DNAJB2: variants seen among roughly 807,000 people sequenced by gnomAD.
DNAJB2 encodes DnaJ heat shock protein family (Hsp40) member B2, also known as dnaJ homolog subfamily B member 2.
DNAJB2 carries 19 observed loss-of-function variants against 33.3 expected under a neutral mutation model. That is an observed-to-expected ratio of 0.57 (90% CI 0.40 to 0.84). The LOEUF (loss-of-function observed/expected upper bound fraction) is 0.84, where lower values mean the gene tolerates loss of function less well. Ranked by LOEUF, DNAJB2 falls within the 40% of genes least tolerant of loss-of-function variation. DNAJB2 has a pLI of 0.00. For missense variants in DNAJB2, 368 were observed against 430.9 expected (o/e 0.85, Z 1.29); for synonymous variants, 172 against 164.6 (o/e 1.04, Z -0.34).
chr2:219,279,754 G>A lies in DNAJB2; in HGVS notation c.-36-44G>A. Reference sequence around the variant, plus strand: ...GGAGGGGGACTGCTGCAGCCACAGGGTGGGGCTCTTGGTTCTTTCCGCCTG... The same window carrying A: ...GGAGGGGGACTGCTGCAGCCACAGGATGGGGCTCTTGGTTCTTTCCGCCTG... On this transcript the variant is annotated intron_variant, in intron 1 of 8. Coordinates refer to ENST00000336576, the MANE Select transcript of DNAJB2 (RefSeq NM_006736.6). This position sits in a 1 kb window ranked among gnomAD's most constrained non-coding sequence, Gnocchi z 4.9. The A allele has an allele frequency of 2.6e-6, 4 of 1,524,838 alleles. No homozygotes were observed. Among genetic ancestry groups the A allele is most frequent in the South Asian group, 2.3e-5 (2 of 88,174 alleles). 94.5% of individuals were successfully genotyped at this position (1,524,838 alleles called of 1,614,324 possible). A position where few individuals can be genotyped will look rare whatever the true frequency, so the allele number is the denominator to read the frequency against.
Position 219,285,390 on chromosome 2 carries a change from GAGAGCAGTGCAGGC to G in DNAJB2, c.*408_*421del. 9.9e-7 allele frequency: 1 copy of G among 1,012,776 alleles called. No individual in the cohort carries two copies. Among genetic ancestry groups the G allele is most frequent in the Non-Finnish European group, 1.2e-6 (1 of 847,688 alleles). The allele number at this position is 1,012,776 out of a possible 1,614,324, so 62.7% of individuals were successfully genotyped here. A position where few individuals can be genotyped will look rare whatever the true frequency, so the allele number is the denominator to read the frequency against. The stretch of plus-strand genomic sequence containing the variant: ...TGAGCCGGAGCCGGCAGCTCCACTG[GAGAGCAGTGCAGGC>G]AGAGTGGAGCCTCCTGCTCTCCTGG... On this transcript the variant is annotated 3_prime_UTR_variant, in exon 9 of 9. Coordinates refer to ENST00000336576, the MANE Select transcript of DNAJB2 (RefSeq NM_006736.6).
chr2:219,280,020 TTC>T, intron 2 of DNAJB2, 122 bp downstream of exon 2: 3 of 1,063,610 alleles, frequency 2.8e-6, no homozygotes, highest in Non-Finnish European at 4.2e-6. Flanking sequence ...ACTGGGGTGC[TTC>T]TTCCGAGTGA....
intron 8 of DNAJB2, 43 bp from the exon 9 acceptor site, chr2:219,284,589 C>T: frequency 6.5e-7 from 1 of 1,542,476 alleles, no homozygotes; most frequent in Non-Finnish European, 8.8e-7. Context: ...CAGTAATACC[C>T]CTGGCTCAGG....
rs923974092 is a variant in DNAJB2, at chr2:219,283,647, G to C, written c.619+158G>C. On this transcript the variant is annotated intron_variant, in intron 8 of 8. Transcript: ENST00000336576. ...GATCAGAGATGGCAATGTCGGGAAG[G>C]GGGTGAAGGAGTCTCACGAAGCCAT... Among the ~76,000 whole-genome samples the C allele has an allele frequency of 3.3e-5, 5 of 152,314 alleles. No individual in the cohort carries two copies. The East Asian group carries it at 7.7e-4, about 23-fold the overall frequency.
intron 3 of DNAJB2, 70 bp downstream of exon 3, chr2:219,280,757 A>G (rs965053880): frequency 4.3e-6 from 5 of 1,167,946 alleles, no homozygotes; most frequent in Non-Finnish European, 6.2e-6. Context: ...CATTTTCTTA[A>G]AGCAATGTCT....
rs993546807 is a variant in DNAJB2, at chr2:219,283,039, G to A, written c.446-94G>A. 3 of 1,580,480 alleles carry A rather than the reference G, an allele frequency of 1.9e-6. No individual in the cohort carries two copies. In the African/African-American group the frequency reaches 4.0e-5, roughly 21 times the overall value. On this transcript the variant is annotated intron_variant, in intron 6 of 8. Transcript: ENST00000336576. ...TGTGTTGGGAGCCCTGCCTCCAGCA[G>A]CCCTGCGAGGCGGCCTGGAGCCTCG...
chr2:219,285,075 A>C lies in DNAJB2; in HGVS notation c.*88A>C. 1 of 1,409,192 alleles carries C rather than the reference A, an allele frequency of 7.1e-7. No individual in the cohort carries two copies. The allele number at this position is 1,409,192 out of a possible 1,614,324, so 87.3% of individuals were successfully genotyped here. ...AGAAGAGGGGAGTATCCTGAGTTGT[A>C]GGAACTGCTTTCCAACTCCAAGCTC... On this transcript the variant is annotated 3_prime_UTR_variant, in exon 9 of 9. Coordinates refer to ENST00000336576, the MANE Select transcript of DNAJB2 (RefSeq NM_006736.6).
intron 5 of DNAJB2, 35 bp from the exon 6 acceptor site, chr2:219,282,802 T>G: frequency 6.5e-7 from 1 of 1,527,838 alleles, no homozygotes. Flanking sequence ...GAAATGTCAT[T>G]ACCAGATGAC....
chr2:219,279,607 C>G lies in DNAJB2; in HGVS notation c.-37+89C>G, dbSNP rs1447447698. ...CGATAGGGCTCCTGGGCCTGGGCGT[C>G]GAGATAGCTCTTGGCCCCGGCCTGC... On this transcript the variant is annotated intron_variant, in intron 1 of 8. Transcript: ENST00000336576. The surrounding 1 kb of genome is among the most constrained non-coding windows in gnomAD (Gnocchi z 4.9). 1.8e-6 allele frequency: 1 copy of G among 548,430 alleles called. No individual in the cohort carries two copies. The highest frequency in any genetic ancestry group is 3.2e-6 in the Non-Finnish European group (1 of 308,622). 34.0% of individuals were successfully genotyped at this position (548,430 alleles called of 1,614,324 possible).
At chr2:219,282,726 A>C (rs1951916507) in intron 5 of DNAJB2, 111 bp from the exon 6 acceptor site, 1 of 1,059,066 alleles carries the variant, frequency 9.4e-7, no homozygotes, top group Admixed American at 2.9e-5. Flanking sequence ...AAAGCGGAAA[A>C]GAAAAACCCT....
chr2:219,279,626 G>T lies in DNAJB2; in HGVS notation c.-37+108G>T. On this transcript the variant is annotated intron_variant, in intron 1 of 8. Coordinates refer to ENST00000336576, the MANE Select transcript of DNAJB2 (RefSeq NM_006736.6). The surrounding 1 kb of genome is among the most constrained non-coding windows in gnomAD (Gnocchi z 4.9). ...GGGCGTCGAGATAGCTCTTGGCCCC[G>T]GCCTGCGGGGGCAGATAAGGCTGCC... is the stretch of plus-strand genomic sequence containing the variant. The T allele has an allele frequency of 1.7e-6, 1 of 590,108 alleles. No homozygotes were observed. Among genetic ancestry groups the T allele is most frequent in the Non-Finnish European group, 3.0e-6 (1 of 335,380 alleles). 36.6% of individuals were successfully genotyped at this position (590,108 alleles called of 1,614,324 possible).
Position 219,285,096 on chromosome 2 carries a change from A to G in DNAJB2, c.*109A>G. 7.2e-7 allele frequency: 1 copy of G among 1,394,732 alleles called. No homozygotes were observed. Among genetic ancestry groups the G allele is most frequent in the Non-Finnish European group, 9.4e-7 (1 of 1,067,614 alleles). 86.4% of individuals were successfully genotyped at this position (1,394,732 alleles called of 1,614,324 possible). On this transcript the variant is annotated 3_prime_UTR_variant, in exon 9 of 9. Transcript: ENST00000336576. ...TTGTAGGAACTGCTTTCCAACTCCAAGCTCCCTCCACAAGTTTCCCTCCCA... is the reference window on the plus strand; with the variant it reads ...TTGTAGGAACTGCTTTCCAACTCCAGGCTCCCTCCACAAGTTTCCCTCCCA...
chr2:219,280,012 T>C (rs1951889946), intron 2 of DNAJB2, 114 bp downstream of exon 2: 8 of 1,176,148 alleles, frequency 6.8e-6, no homozygotes, highest in Non-Finnish European at 9.8e-6. Context: ...TAGAAAGCAC[T>C]GGGGTGCTTC....
In DNAJB2 at chr2:219,285,093, C is replaced by T; in HGVS notation, c.*106C>T. On this transcript the variant is annotated 3_prime_UTR_variant, in exon 9 of 9. Transcript: ENST00000336576. The stretch of plus-strand genomic sequence containing the variant: ...GAGTTGTAGGAACTGCTTTCCAACT[C>T]CAAGCTCCCTCCACAAGTTTCCCTC... 1 of 1,394,718 alleles carries T rather than the reference C, an allele frequency of 7.2e-7. No homozygotes were observed. Among genetic ancestry groups the T allele is most frequent in the Non-Finnish European group, 9.4e-7 (1 of 1,067,432 alleles). 86.4% of individuals were successfully genotyped at this position (1,394,718 alleles called of 1,614,324 possible).
rs1951961816 is a variant in DNAJB2, at chr2:219,286,858, G to A, written c.*1871G>A. 1.3e-5 allele frequency: 2 copies of A among 152,278 alleles called. No homozygotes were observed. The highest frequency in any genetic ancestry group is 2.4e-5 in the African/African-American group (1 of 41,446). 9.4% of individuals were successfully genotyped at this position (152,278 alleles called of 1,614,324 possible). A position where few individuals can be genotyped will look rare whatever the true frequency, so the allele number is the denominator to read the frequency against. ...CCAGCTGGGCTGAGCTCAGATCCAGGGGGAAATGCTGGAAGTCAATAAAAC... is the reference window on the plus strand; with the variant it reads ...CCAGCTGGGCTGAGCTCAGATCCAGAGGGAAATGCTGGAAGTCAATAAAAC... On this transcript the variant is annotated 3_prime_UTR_variant, in exon 9 of 9. Transcript: ENST00000336576.
Position 219,280,706 on chromosome 2 carries a change from CA to C in DNAJB2, c.175+20del. ...TCTGACAGTAAGGGCCGGGGTCAGG[CA>C]GGACCCAGCACATCACCCCCTACTT... On this transcript the variant is annotated intron_variant, in intron 3 of 8. Coordinates refer to ENST00000336576, the MANE Select transcript of DNAJB2 (RefSeq NM_006736.6). 6.4e-7 allele frequency: 1 copy of C among 1,559,526 alleles called. No homozygotes were observed. The highest frequency in any genetic ancestry group is 8.8e-7 in the Non-Finnish European group (1 of 1,131,616).
Position 219,285,140 on chromosome 2 carries a change from G to A in DNAJB2, c.*153G>A. On this transcript the variant is annotated 3_prime_UTR_variant, in exon 9 of 9. Transcript: ENST00000336576. ...CCTCCCAGGCCCCCCACACCCCAGTGTGGACTTGGGATTTGCTGTGCTCAG... is the reference window on the plus strand; with the variant it reads ...CCTCCCAGGCCCCCCACACCCCAGTATGGACTTGGGATTTGCTGTGCTCAG... 5.1e-6 allele frequency: 7 copies of A among 1,366,642 alleles called. No individual in the cohort carries two copies. Among genetic ancestry groups the A allele is most frequent in the Non-Finnish European group, 6.6e-6 (7 of 1,056,626 alleles). The allele number at this position is 1,366,642 out of a possible 1,614,324, so 84.7% of individuals were successfully genotyped here. A position where few individuals can be genotyped will look rare whatever the true frequency, so the allele number is the denominator to read the frequency against.
intron 3 of DNAJB2, chr2:219,281,453 G>A (rs574279985): frequency 3.1e-5 from 15 of 483,952 alleles, no homozygotes; most frequent in Middle Eastern, 5.4e-4. Flanking sequence ...GGCAGTTTAC[G>A]TGGATGGTCT....
In DNAJB2 at chr2:219,282,880, A is replaced by G; in HGVS notation, c.396A>G (p.Arg132=). The change falls in exon 6 of 9, where the codon CGA becomes CGG. Residue 132 remains arginine (R), a synonymous_variant. Transcript: ENST00000336576. ...CAGAGCTTCAGAACCGGGGTTCCCG[A>G]CACTCAGGCCCCTTCTTTACCTTCT... ...PFSELQNRGS[R]HSGPFFTFSS... is the part of the protein sequence containing the mutation. The G allele has an allele frequency of 1.2e-6, 2 of 1,607,134 alleles. No individual in the cohort carries two copies. Among genetic ancestry groups the G allele is most frequent in the Non-Finnish European group, 1.7e-6 (2 of 1,177,580 alleles).
Sources: gnomAD v4.1 joint callset for allele counts (sites outside exome capture counted in the v4.1 genomes callset) on GRCh38, gnomAD v4.1.1 for gene constraint, Gnocchi (gnomAD v3.1) non-coding constraint, MANE v1.5 for transcripts, NCBI Gene and HGNC (gene_info 2026-07-23, HGNC 2026-07-21) for gene names.